The following MGAT4C variants were observed in gnomAD, a reference collection of about 807,000 sequenced individuals.
The protein encoded by MGAT4C is alpha-1,3-mannosyl-glycoprotein 4-beta-N-acetylglucosaminyltransferase C.
MGAT4C carries 19 observed loss-of-function variants against 40.1 expected under a neutral mutation model. That is an observed-to-expected ratio of 0.47 (90% CI 0.33 to 0.70). MGAT4C has a LOEUF of 0.70. Ranked by LOEUF, MGAT4C falls within the 30% of genes least tolerant of loss-of-function variation. The pLI, the probability that MGAT4C is intolerant of heterozygous loss-of-function variation, is 0.02. For missense variants in MGAT4C, 491 were observed against 563.2 expected (o/e 0.87, Z 1.30); for synonymous variants, 181 against 187.1 (o/e 0.97, Z 0.27).
chr12:85,990,836 A>C (rs1167478047), intron 2 of MGAT4C, among the ~76,000 whole-genome samples: 2 of 152,252 alleles, frequency 1.3e-5, no homozygotes, highest in Admixed American at 1.3e-4. Context: ...ATATGCACAC[A>C]TAGATGCACA....
intron 2 of MGAT4C, among the ~76,000 whole-genome samples, chr12:86,555,588 G>A (rs866447053): frequency 1.2e-4 from 19 of 152,266 alleles, no homozygotes; most frequent in Non-Finnish European, 1.8e-4. Flanking sequence ...TCCAGGGCTC[G>A]TGGCTCTGGA....
At chr12:86,472,987 G>A (rs959226308) in intron 2 of MGAT4C, among the ~76,000 whole-genome samples, 6 of 152,032 alleles carry the variant, frequency 3.9e-5, no homozygotes, top group African/African-American at 9.7e-5. Context: ...ATGGAGTCTC[G>A]CTCTGTTACC....
At chr12:86,526,720 G>T (rs1367178091) in intron 2 of MGAT4C, among the ~76,000 whole-genome samples, 1 of 152,178 alleles carries the variant, frequency 6.6e-6, no homozygotes, top group African/African-American at 2.4e-5. Context: ...AGCAAGTTAA[G>T]CCTAGGGGGA....
intron 1 of MGAT4C, among the ~76,000 whole-genome samples, chr12:86,815,074 A>G (rs1157062497): frequency 6.6e-6 from 1 of 152,032 alleles, no homozygotes; most frequent in Non-Finnish European, 1.5e-5. Context: ...AGGGTTTTCA[A>G]GGTAACGATC....
chr12:86,175,537 T>C (rs1297999434), intron 1 of MGAT4C, among the ~76,000 whole-genome samples: 2 of 152,108 alleles, frequency 1.3e-5, no homozygotes, highest in African/African-American at 4.8e-5. Flanking sequence ...AAAGGATTAT[T>C]CTAGAGTTTA....
At chr12:86,360,044 T>C (rs1955424211) in intron 3 of MGAT4C, among the ~76,000 whole-genome samples, 1 of 152,148 alleles carries the variant, frequency 6.6e-6, no homozygotes, top group South Asian at 2.1e-4. Context: ...AAAGAGAATT[T>C]TAGACCAATA....
intron 1 of MGAT4C, among the ~76,000 whole-genome samples, chr12:86,149,849 C>A (rs1352183530): frequency 6.6e-6 from 1 of 152,104 alleles, no homozygotes; most frequent in African/African-American, 2.4e-5. Flanking sequence ...TTAAGGCATT[C>A]ATAAATTAAA....
At chr12:86,005,794 T>C (rs1005250694) in intron 2 of MGAT4C, among the ~76,000 whole-genome samples, 1 of 152,208 alleles carries the variant, frequency 6.6e-6, no homozygotes, top group African/African-American at 2.4e-5. Flanking sequence ...CCATTCTTCC[T>C]TTCCTTATGT....
At chr12:86,194,055 A>G (rs998661384) in intron 1 of MGAT4C, among the ~76,000 whole-genome samples, 1 of 151,898 alleles carries the variant, frequency 6.6e-6, no homozygotes, top group Non-Finnish European at 1.5e-5. Context: ...TAAATCTTGT[A>G]TGCTTTGTAA....
chr12:86,730,339 G>A (rs753421529), intron 1 of MGAT4C, among the ~76,000 whole-genome samples: 1 of 151,910 alleles, frequency 6.6e-6, no homozygotes. Flanking sequence ...TGTTTTAAGG[G>A]TAGGAAATAA....
intron 4 of MGAT4C, among the ~76,000 whole-genome samples, chr12:86,273,424 A>T (rs1952995826): frequency 6.6e-6 from 1 of 152,220 alleles, no homozygotes; most frequent in African/African-American, 2.4e-5. Context: ...GAAATATATA[A>T]ATATTGTTTC....
intron 2 of MGAT4C, among the ~76,000 whole-genome samples, chr12:86,563,140 CT>C (rs1195623336): frequency 3.3e-5 from 5 of 152,146 alleles, no homozygotes; most frequent in African/African-American, 1.2e-4. Context: ...GAGGGGAACA[CT>C]TGCATCCCTG....
chr12:86,643,651 A>T (rs1480387962), intron 2 of MGAT4C, among the ~76,000 whole-genome samples: 1 of 151,890 alleles, frequency 6.6e-6, no homozygotes, highest in African/African-American at 2.4e-5. Context: ...AAATTCATAG[A>T]AACAGAAAGT....
At chr12:86,680,385 G>A (rs1949959727) in intron 2 of MGAT4C, among the ~76,000 whole-genome samples, 1 of 151,856 alleles carries the variant, frequency 6.6e-6, no homozygotes, top group Admixed American at 6.6e-5. Flanking sequence ...TACAAATGAG[G>A]AGAATGGGGC....
At chr12:86,076,087 C>T (rs772175477) in intron 1 of MGAT4C, among the ~76,000 whole-genome samples, 3 of 152,210 alleles carry the variant, frequency 2.0e-5, no homozygotes, top group Non-Finnish European at 4.4e-5. Context: ...ATGCCTTTAA[C>T]AGCACCCAAG....
At chr12:86,041,447 T>G (rs1016327642) in intron 2 of MGAT4C, among the ~76,000 whole-genome samples, 1 of 152,152 alleles carries the variant, frequency 6.6e-6, no homozygotes, top group African/African-American at 2.4e-5. Flanking sequence ...ACTTTTGATG[T>G]GGCTGTTTAG....
intron 2 of MGAT4C, among the ~76,000 whole-genome samples, chr12:86,547,352 T>C (rs993551494): frequency 1.3e-5 from 2 of 152,056 alleles, no homozygotes; most frequent in Admixed American, 6.6e-5. Flanking sequence ...CCTTCTCTTC[T>C]TTCTTTATCC....
chr12:86,141,296 G>C (rs1882802777), intron 1 of MGAT4C, among the ~76,000 whole-genome samples: 1 of 152,182 alleles, frequency 6.6e-6, no homozygotes, highest in South Asian at 2.1e-4. Context: ...GTTTAACAGA[G>C]ACAAGTTTCT....
intron 2 of MGAT4C, among the ~76,000 whole-genome samples, chr12:86,043,623 C>A (rs1207945405): frequency 6.6e-6 from 1 of 152,192 alleles, no homozygotes; most frequent in Non-Finnish European, 1.5e-5. Flanking sequence ...TTTGGCATCA[C>A]CCTCACAGAC....
Sources: allele counts gnomAD v4.1 joint callset (sites outside exome capture counted in the v4.1 genomes callset), GRCh38; gene constraint gnomAD v4.1.1; transcripts MANE v1.5; gene names NCBI Gene and HGNC (gene_info 2026-07-23, HGNC 2026-07-21).